The following CCSER1 variants were observed in gnomAD, a reference collection of about 807,000 sequenced individuals.
CCSER1 encodes serine-rich coiled-coil domain-containing protein 1.
Under a neutral mutation model 82.0 loss-of-function variants are expected in CCSER1, and 41 were observed. That is an observed-to-expected ratio of 0.50 (90% CI 0.39 to 0.65). The LOEUF (loss-of-function observed/expected upper bound fraction) is 0.65. Ranked by LOEUF, CCSER1 falls within the 30% of genes least tolerant of loss-of-function variation. The pLI, the probability that CCSER1 is intolerant of heterozygous loss-of-function variation, is 0.00. For missense variants in CCSER1, 1,119 were observed against 1,064.2 expected (o/e 1.05, Z -0.72); for synonymous variants, 414 against 383.9 (o/e 1.08, Z -0.92).
At chr4:91,584,160 A>G (rs1330237226) in intron 10 of CCSER1, among the ~76,000 whole-genome samples, 1 of 151,536 alleles carries the variant, frequency 6.6e-6, no homozygotes, top group African/African-American at 2.4e-5. Context: ...TGCCAGAACC[A>G]GAGCTACCAT....
chr4:90,686,636 T>C (rs1313832697), intron 6 of CCSER1, among the ~76,000 whole-genome samples: 1 of 152,072 alleles, frequency 6.6e-6, no homozygotes, highest in Admixed American at 6.6e-5. Context: ...CATAACTCTT[T>C]CTTGAAATAC....
chr4:90,854,621 C>T (rs913408016), intron 8 of CCSER1, among the ~76,000 whole-genome samples: 2 of 152,242 alleles, frequency 1.3e-5, no homozygotes, highest in East Asian at 3.9e-4. Context: ...CCTCCAAGAC[C>T]TCTATCATTT....
chr4:90,460,848 AT>A (rs1229522214), intron 4 of CCSER1, among the ~76,000 whole-genome samples: 1 of 152,142 alleles, frequency 6.6e-6, no homozygotes, highest in Admixed American at 6.5e-5. Context: ...AATAAAGAAA[AT>A]AAGTAGATAT....
At chr4:91,401,931 G>C (rs1308821881) in intron 10 of CCSER1, among the ~76,000 whole-genome samples, 2 of 152,164 alleles carry the variant, frequency 1.3e-5, no homozygotes, top group African/African-American at 4.8e-5. Flanking sequence ...GGGATGGCTG[G>C]ATCAAATGAT....
intron 10 of CCSER1, among the ~76,000 whole-genome samples, chr4:91,595,395 C>T (rs1764517009): frequency 6.6e-6 from 1 of 152,068 alleles, no homozygotes; most frequent in Non-Finnish European, 1.5e-5. Context: ...CTTGAATTTT[C>T]TAGAGAAAGT....
chr4:90,449,467 G>C (rs1360991135), intron 4 of CCSER1, among the ~76,000 whole-genome samples: 1 of 152,192 alleles, frequency 6.6e-6, no homozygotes, highest in African/African-American at 2.4e-5. Context: ...CTGCCCAGGA[G>C]CCTGTCTTCC....
intron 4 of CCSER1, among the ~76,000 whole-genome samples, chr4:90,405,622 G>A (rs1193890594): frequency 2.0e-5 from 3 of 152,074 alleles, no homozygotes; most frequent in African/African-American, 7.2e-5. Context: ...AAAGCATCAG[G>A]GAACTTATAA....
At chr4:90,854,986 A>AGGGT (rs1349876723) in intron 8 of CCSER1, among the ~76,000 whole-genome samples, 3 of 137,964 alleles carry the variant, frequency 2.2e-5, no homozygotes, top group African/African-American at 8.3e-5. Context: ...GTGGCACGAG[A>AGGGT]GAGTGTGTGT....
At chr4:90,520,459 T>C (rs1470424380) in intron 5 of CCSER1, among the ~76,000 whole-genome samples, 1 of 152,210 alleles carries the variant, frequency 6.6e-6, no homozygotes. Context: ...GATTCTTTGT[T>C]GCTTTTACTA....
intron 1 of CCSER1, among the ~76,000 whole-genome samples, chr4:90,262,108 A>G (rs1157139839): frequency 1.3e-5 from 2 of 151,672 alleles, no homozygotes; most frequent in South Asian, 2.1e-4. Context: ...CAAATATTTC[A>G]TCTTGGTTTG....
At chr4:90,401,102 G>A (rs1752805938) in intron 4 of CCSER1, among the ~76,000 whole-genome samples, 1 of 152,028 alleles carries the variant, frequency 6.6e-6, no homozygotes, top group South Asian at 2.1e-4. Context: ...TCAAAAGAAG[G>A]CAATAACAAT....
chr4:90,928,611 T>G (rs1729353017), intron 9 of CCSER1, among the ~76,000 whole-genome samples: 1 of 152,070 alleles, frequency 6.6e-6, no homozygotes, highest in Non-Finnish European at 1.5e-5. Context: ...AAAGAATAAT[T>G]CTAAGTGTAT....
At chr4:90,481,958 C>T (rs1766066038) in intron 5 of CCSER1, among the ~76,000 whole-genome samples, 1 of 152,164 alleles carries the variant, frequency 6.6e-6, no homozygotes, top group Non-Finnish European at 1.5e-5. Flanking sequence ...ACCAGCTGCT[C>T]CTTGTACCTC....
intron 10 of CCSER1, among the ~76,000 whole-genome samples, chr4:91,162,072 G>A (rs1166562685): frequency 6.6e-6 from 1 of 152,126 alleles, no homozygotes; most frequent in Non-Finnish European, 1.5e-5. Context: ...CTGTGGGTTT[G>A]TCATAAATAT....
At chr4:90,324,261 G>A (rs1737707631) in intron 3 of CCSER1, among the ~76,000 whole-genome samples, 2 of 152,032 alleles carry the variant, frequency 1.3e-5, no homozygotes, top group African/African-American at 2.4e-5. Flanking sequence ...TTCCACAATG[G>A]TTGAACTAGC....
intron 3 of CCSER1, among the ~76,000 whole-genome samples, chr4:90,325,320 A>G (rs1737964844): frequency 6.6e-6 from 1 of 152,208 alleles, no homozygotes; most frequent in African/African-American, 2.4e-5. Context: ...ATAATTTAAA[A>G]GGACAGCAGT....
At chr4:91,176,619 T>G (rs556288554) in intron 10 of CCSER1, among the ~76,000 whole-genome samples, 5 of 143,368 alleles carry the variant, frequency 3.5e-5, no homozygotes, top group African/African-American at 1.5e-4. Context: ...GGCTCTCTGT[T>G]TGTCTGTTAT....
chr4:90,337,294 A>G (rs1361588494), intron 3 of CCSER1, among the ~76,000 whole-genome samples: 1 of 152,200 alleles, frequency 6.6e-6, no homozygotes, highest in Non-Finnish European at 1.5e-5. Flanking sequence ...CTATACCTCC[A>G]TATTGATCAA....
At chr4:91,011,949 T>C (rs1739035734) in intron 9 of CCSER1, among the ~76,000 whole-genome samples, 1 of 134,624 alleles carries the variant, frequency 7.4e-6, no homozygotes. Flanking sequence ...CAGCTTAGAC[T>C]CTAGGGAGAT....
Sources: gnomAD v4.1 joint callset for allele counts (sites outside exome capture counted in the v4.1 genomes callset) on GRCh38, gnomAD v4.1.1 for gene constraint, MANE v1.5 for transcripts, NCBI Gene and HGNC (gene_info 2026-07-23, HGNC 2026-07-21) for gene names.